NPAS3: variants seen among roughly 807,000 people sequenced by gnomAD.
NPAS3 encodes the protein neuronal PAS domain protein 3, also known as neuronal PAS domain-containing protein 3.
Under a neutral mutation model 73.1 loss-of-function variants are expected in NPAS3, and 14 were observed. The ratio of observed to expected loss-of-function variants is 0.19; its 90% CI spans 0.13 to 0.30. NPAS3 has a LOEUF of 0.30. Ranked by LOEUF, NPAS3 falls within the 10% of genes least tolerant of loss-of-function variation. The pLI is 1.00. For synonymous variants in NPAS3, 620 were observed against 541.5 expected (o/e 1.14, Z -2.01); for missense variants, 1,096 against 1,250.0 (o/e 0.88, Z 1.86).
intron 5 of NPAS3, among the ~76,000 whole-genome samples, chr14:33,598,322 A>T (rs976545873): frequency 6.6e-6 from 1 of 152,190 alleles, no homozygotes; most frequent in African/African-American, 2.4e-5. Flanking sequence ...CAAAAATTGG[A>T]GTCTTCAGCC....
chr14:32,978,083 T>A (rs1032033109), intron 1 of NPAS3, among the ~76,000 whole-genome samples: 1 of 151,108 alleles, frequency 6.6e-6, no homozygotes, highest in Non-Finnish European at 1.5e-5. Context: ...TCATTATTAT[T>A]TCACTTTACA....
chr14:33,263,700 A>T (rs1440330291), intron 3 of NPAS3, among the ~76,000 whole-genome samples: 2 of 152,082 alleles, frequency 1.3e-5, no homozygotes, highest in African/African-American at 4.8e-5. Context: ...GAATCTATAA[A>T]TTATCTTGGG....
chr14:33,008,821 T>C (rs1367885801), intron 1 of NPAS3, among the ~76,000 whole-genome samples: 1 of 152,118 alleles, frequency 6.6e-6, no homozygotes, highest in East Asian at 1.9e-4. Flanking sequence ...GCAAAGGTAA[T>C]AGACTGACCA....
chr14:33,483,707 A>T (rs942031400), intron 4 of NPAS3, among the ~76,000 whole-genome samples: 1 of 152,192 alleles, frequency 6.6e-6, no homozygotes, highest in Admixed American at 6.5e-5. Context: ...AATGGAAACT[A>T]GTTGTCACCT....
intron 5 of NPAS3, among the ~76,000 whole-genome samples, chr14:33,651,012 C>G (rs998435234): frequency 6.6e-5 from 10 of 152,176 alleles, no homozygotes; most frequent in Admixed American, 1.3e-4. Flanking sequence ...AGGAAAAAGC[C>G]AGATCAAACA....
chr14:33,166,110 C>T (rs910969305), intron 2 of NPAS3, among the ~76,000 whole-genome samples: 3 of 152,176 alleles, frequency 2.0e-5, no homozygotes, highest in East Asian at 3.9e-4. Flanking sequence ...GCTGTCAGAC[C>T]GGCCTCATAG....
chr14:33,024,040 A>G (rs1020847291), intron 1 of NPAS3, among the ~76,000 whole-genome samples: 1 of 152,174 alleles, frequency 6.6e-6, no homozygotes, highest in Non-Finnish European at 1.5e-5. Flanking sequence ...GCAGAAGAGT[A>G]ACTTGGTAGG....
chr14:33,057,467 T>G (rs2040932317), intron 2 of NPAS3, among the ~76,000 whole-genome samples: 1 of 152,230 alleles, frequency 6.6e-6, no homozygotes. Context: ...AAAGCAGGAT[T>G]TGATTACTGA....
intron 2 of NPAS3, among the ~76,000 whole-genome samples, chr14:33,061,665 A>G (rs1395814656): frequency 6.6e-6 from 1 of 152,170 alleles, no homozygotes; most frequent in East Asian, 1.9e-4. Context: ...TTATTCATTC[A>G]TTTAACAAAT....
chr14:33,448,911 AC>A (rs1245383349), intron 4 of NPAS3, among the ~76,000 whole-genome samples: 2 of 152,178 alleles, frequency 1.3e-5, no homozygotes, highest in South Asian at 4.1e-4. Flanking sequence ...TCCAAGAGAA[AC>A]CCCAAACGAT....
chr14:33,079,666 C>T (rs2041801389), intron 2 of NPAS3, among the ~76,000 whole-genome samples: 2 of 121,784 alleles, frequency 1.6e-5, no homozygotes, highest in South Asian at 5.7e-4. Flanking sequence ...GGCTGGAGTG[C>T]AGTGGTGCCA....
chr14:33,565,776 G>A (rs886768597), intron 5 of NPAS3, among the ~76,000 whole-genome samples: 1 of 152,184 alleles, frequency 6.6e-6, no homozygotes, highest in African/African-American at 2.4e-5. Flanking sequence ...CATTTTTGCA[G>A]TTGGTGTTCT....
At chr14:33,620,675 A>G (rs1477393084) in intron 5 of NPAS3, among the ~76,000 whole-genome samples, 1 of 152,218 alleles carries the variant, frequency 6.6e-6, no homozygotes, top group South Asian at 2.1e-4. Context: ...TAGACATAAC[A>G]TACAGTTATA....
intron 3 of NPAS3, among the ~76,000 whole-genome samples, chr14:33,287,831 G>C (rs77990707): frequency 0.036 from 5,444 of 152,224 alleles, 113 homozygotes; most frequent in Non-Finnish European, 0.054. Context: ...ATATGGACTA[G>C]AACCATCGTT....
At chr14:33,046,969 A>G (rs1468297819) in intron 1 of NPAS3, among the ~76,000 whole-genome samples, 1 of 152,112 alleles carries the variant, frequency 6.6e-6, no homozygotes, top group African/African-American at 2.4e-5. Context: ...GTGAGACTCC[A>G]TCTTAAAAAA....
chr14:33,543,930 C>A, intron 4 of NPAS3, among the ~76,000 whole-genome samples: 1 of 100,448 alleles, frequency 1.0e-5, no homozygotes, highest in South Asian at 3.2e-4. Flanking sequence ...TCATCTCAGA[C>A]AGGTATGGCA....
intron 4 of NPAS3, among the ~76,000 whole-genome samples, chr14:33,373,098 T>C (rs1225796697): frequency 6.6e-6 from 1 of 152,218 alleles, no homozygotes; most frequent in Non-Finnish European, 1.5e-5. Context: ...TCTTCATAAG[T>C]CATAAAATTA....
intron 1 of NPAS3, among the ~76,000 whole-genome samples, chr14:33,039,641 C>G (rs186961917): frequency 6.6e-5 from 10 of 152,370 alleles, no homozygotes; most frequent in African/African-American, 2.4e-4. Context: ...GGGTCTGCCA[C>G]AGCTCACAAA....
intron 4 of NPAS3, among the ~76,000 whole-genome samples, chr14:33,368,661 A>C (rs536761964): frequency 6.6e-6 from 1 of 152,298 alleles, no homozygotes; most frequent in African/African-American, 2.4e-5. Context: ...CTTGAAATAC[A>C]CCTTGGGAGT....
Sources: gnomAD v4.1 joint callset for allele counts (sites outside exome capture counted in the v4.1 genomes callset) on GRCh38, gnomAD v4.1.1 for gene constraint, MANE v1.5 for transcripts, NCBI Gene and HGNC (gene_info 2026-07-23, HGNC 2026-07-21) for gene names.